RMST: variants seen among roughly 807,000 people sequenced by gnomAD.
RMST encodes the protein rhabdomyosarcoma 2 associated transcript.
chr12:97,488,134 A>G (rs943614933), intron 5 of RMST, among the ~76,000 whole-genome samples: 3 of 152,154 alleles, frequency 2.0e-5, no homozygotes, highest in Non-Finnish European at 4.4e-5. Flanking sequence ...CATGTAATCC[A>G]GCGCTTTGGG....
chr12:97,483,024 G>T (rs571699020), intron 5 of RMST, among the ~76,000 whole-genome samples: 1 of 151,674 alleles, frequency 6.6e-6, no homozygotes, highest in Admixed American at 6.6e-5. Flanking sequence ...ACGGCTCACG[G>T]GACAGTCATA....
chr12:97,551,133 T>C (rs1592790356), intron 11 of RMST, among the ~76,000 whole-genome samples: 1 of 131,580 alleles, frequency 7.6e-6, no homozygotes, highest in Non-Finnish European at 1.6e-5. Flanking sequence ...CCAATTTAAA[T>C]AGAAAAAGCA....
chr12:97,500,287 T>A (rs1455884124), intron 10 of RMST, among the ~76,000 whole-genome samples: 22 of 152,178 alleles, frequency 1.4e-4, no homozygotes, highest in Admixed American at 1.4e-3. Flanking sequence ...AGAGTTCAGA[T>A]CCTTTTGGAG....
At chr12:97,485,729 G>A (rs1439981876) in intron 5 of RMST, among the ~76,000 whole-genome samples, 1 of 152,210 alleles carries the variant, frequency 6.6e-6, no homozygotes, top group Non-Finnish European at 1.5e-5. Context: ...TAGCTAATAA[G>A]TGGCAAAGAG....
chr12:97,541,102 C>A (rs974408312), intron 11 of RMST: 11 of 151,446 alleles, frequency 7.3e-5, no homozygotes, highest in Non-Finnish European at 1.2e-4. Flanking sequence ...GTATATAGTA[C>A]ATACACTTCT....
At chr12:97,465,967 A>G (rs1873135009) in intron 5 of RMST, among the ~76,000 whole-genome samples, 1 of 152,170 alleles carries the variant, frequency 6.6e-6, no homozygotes, top group Admixed American at 6.5e-5. Context: ...CTTGAAAATA[A>G]GCAGCTTTTT....
chr12:97,548,663 T>C (rs753100944), intron 11 of RMST, among the ~76,000 whole-genome samples: 8 of 152,104 alleles, frequency 5.3e-5, no homozygotes, highest in Non-Finnish European at 1.2e-4. Context: ...TTATTATTAG[T>C]TTATAGAAGT....
At chr12:97,467,760 A>G (rs1191187409) in intron 5 of RMST, among the ~76,000 whole-genome samples, 1 of 151,922 alleles carries the variant, frequency 6.6e-6, no homozygotes, top group Non-Finnish European at 1.5e-5. Context: ...TGTCACCTAG[A>G]AAGTTGTATT....
At chr12:97,484,097 A>G (rs142854783) in intron 5 of RMST, among the ~76,000 whole-genome samples, 88 of 152,254 alleles carry the variant, frequency 5.8e-4, no homozygotes, top group Non-Finnish European at 9.6e-4. Flanking sequence ...TACCTTTATT[A>G]ATCTAGTTCT....
chr12:97,512,772 G>T (rs1026709292), intron 10 of RMST, among the ~76,000 whole-genome samples: 1 of 152,236 alleles, frequency 6.6e-6, no homozygotes, highest in African/African-American at 2.4e-5. Flanking sequence ...TGCCAATCCC[G>T]CGCCCTGCGC....
At chr12:97,530,282 T>G (rs1256882188) in intron 10 of RMST, 1 of 152,100 alleles carries the variant, frequency 6.6e-6, no homozygotes, top group Non-Finnish European at 1.5e-5. Flanking sequence ...CAGTCCTCCC[T>G]GTTGCAACTT....
intron 5 of RMST, among the ~76,000 whole-genome samples, chr12:97,483,715 C>T (rs1875738013): frequency 1.3e-5 from 2 of 152,136 alleles, no homozygotes; most frequent in South Asian, 4.1e-4. Context: ...TGAAAAGGAG[C>T]TGTACCTCCT....
rs150608791 is a variant in RMST at position 97,496,386 on chromosome 12, T to G, written n.1340+330T>G. On this transcript the variant is annotated intron_variant and non_coding_transcript_variant, in intron 10 of 13. Transcript: ENST00000640149. ...ATAATAACTCCTGGGTTATTAAAAA[T>G]TAAATATCTGGGGTAAAAAAAATCC... Among the ~76,000 whole-genome samples the G allele has an allele frequency of 2.4e-3, 363 of 151,246 alleles. 2 individuals carry two copies. The highest frequency in any genetic ancestry group is 8.5e-3 in the African/African-American group (345 of 40,578).
chr12:97,503,464 A>G (rs1276460467), intron 10 of RMST, among the ~76,000 whole-genome samples: 1 of 152,032 alleles, frequency 6.6e-6, no homozygotes, highest in African/African-American at 2.4e-5. Context: ...TCCAGGAAAA[A>G]AAAAAAAGGT....
intron 10 of RMST, among the ~76,000 whole-genome samples, chr12:97,497,692 T>G (rs896258033): frequency 6.6e-6 from 1 of 151,864 alleles, no homozygotes; most frequent in African/African-American, 2.4e-5. Flanking sequence ...TTTTTTTTTT[T>G]GCCTTTCTTT....
chr12:97,560,976 G>A (rs1884064477), exon 13 of RMST: 1 of 152,404 alleles, frequency 6.6e-6, no homozygotes, highest in Non-Finnish European at 1.5e-5. Flanking sequence ...AGCAGAAAAT[G>A]AGAAAGTAGA....
At chr12:97,468,922 C>T (rs780239581) in intron 5 of RMST, among the ~76,000 whole-genome samples, 5 of 151,978 alleles carry the variant, frequency 3.3e-5, no homozygotes, top group East Asian at 1.9e-4. Flanking sequence ...CTTGATTTGT[C>T]ACCATTAGTT....
At chr12:97,511,883 T>C (rs2136515880) in intron 10 of RMST, among the ~76,000 whole-genome samples, 1 of 152,332 alleles carries the variant, frequency 6.6e-6, no homozygotes, top group Admixed American at 6.5e-5. Context: ...TGTATACCTG[T>C]TGGTATAGTT....
intron 10 of RMST, among the ~76,000 whole-genome samples, chr12:97,519,762 A>G (rs375389611): frequency 1.3e-5 from 2 of 152,202 alleles, no homozygotes; most frequent in Non-Finnish European, 2.9e-5. Context: ...TGCCTGTGCT[A>G]TCTTCTTACT....
Sources: allele counts gnomAD v4.1 joint callset (sites outside exome capture counted in the v4.1 genomes callset), GRCh38; gene constraint gnomAD v4.1.1; transcripts MANE v1.5; gene names NCBI Gene and HGNC (gene_info 2026-07-23, HGNC 2026-07-21).